Variants in GPC6 observed in about 807,000 individuals in gnomAD.
GPC6 encodes glypican-6.
In GPC6, 14 loss-of-function variants were observed where a neutral mutation model predicts 55.2. The ratio of observed to expected loss-of-function variants is 0.25; its 90% CI spans 0.17 to 0.40. The LOEUF (loss-of-function observed/expected upper bound fraction) is 0.40, where lower values mean the gene tolerates loss of function less well. Ranked by LOEUF, GPC6 falls within the 10% of genes least tolerant of loss-of-function variation. The pLI, the probability that GPC6 is intolerant of heterozygous loss-of-function variation, is 1.00. For synonymous variants in GPC6, 278 were observed against 259.6 expected, an observed-to-expected ratio of 1.07 and a Z score of -0.68; for missense variants, 641 against 708.5, an observed-to-expected ratio of 0.90 and a Z score of 1.08.
chr13:94,064,608 T>C (rs1458837786), intron 4 of GPC6, among the ~76,000 whole-genome samples: 1 of 152,102 alleles, frequency 6.6e-6, no homozygotes, highest in East Asian at 1.9e-4. Flanking sequence ...TTCAGAGCCA[T>C]AAAGCAAAGT....
intron 4 of GPC6, among the ~76,000 whole-genome samples, chr13:94,242,562 C>T (rs1891086044): frequency 6.6e-6 from 1 of 152,034 alleles, no homozygotes; most frequent in South Asian, 2.1e-4. Flanking sequence ...TACTATGCTT[C>T]CTGAATTTCA....
At chr13:93,478,830 G>T (rs1235902352) in intron 1 of GPC6, among the ~76,000 whole-genome samples, 1 of 152,130 alleles carries the variant, frequency 6.6e-6, no homozygotes, top group African/African-American at 2.4e-5. Flanking sequence ...TATTTTACTG[G>T]TACTTTAAAG....
intron 2 of GPC6, among the ~76,000 whole-genome samples, chr13:93,665,486 G>T (rs146862574): frequency 4.4e-4 from 67 of 152,224 alleles, no homozygotes; most frequent in Admixed American, 1.1e-3. Flanking sequence ...GACTGTGTGT[G>T]TGTATGTGTG....
intron 1 of GPC6, among the ~76,000 whole-genome samples, chr13:93,337,027 T>C (rs1352100456): frequency 6.6e-6 from 1 of 152,208 alleles, no homozygotes; most frequent in Non-Finnish European, 1.5e-5. Context: ...CACACATCAG[T>C]TGTTTGTGCA....
intron 2 of GPC6, among the ~76,000 whole-genome samples, chr13:93,756,401 T>C (rs563883898): frequency 5.8e-4 from 88 of 152,224 alleles, no homozygotes; most frequent in African/African-American, 2.1e-3. Context: ...AAGACAGAAA[T>C]GTACTTCCGG....
intron 4 of GPC6, among the ~76,000 whole-genome samples, chr13:94,266,492 G>C (rs1891822950): frequency 6.6e-6 from 1 of 151,990 alleles, no homozygotes; most frequent in Admixed American, 6.6e-5. Flanking sequence ...TCTTACTGCT[G>C]TTCTCCTTGT....
intron 3 of GPC6, among the ~76,000 whole-genome samples, chr13:93,915,990 C>T (rs1483267539): frequency 2.0e-5 from 3 of 152,116 alleles, no homozygotes; most frequent in Non-Finnish European, 4.4e-5. Context: ...GGCCAAGATG[C>T]CGTCTCACTG....
chr13:93,349,721 T>C (rs1312144570), intron 1 of GPC6, among the ~76,000 whole-genome samples: 1 of 152,202 alleles, frequency 6.6e-6, no homozygotes, highest in Non-Finnish European at 1.5e-5. Flanking sequence ...GTTTTGGCTT[T>C]CTTTCTCATT....
chr13:93,930,996 C>T (rs999759272), intron 3 of GPC6, among the ~76,000 whole-genome samples: 3 of 152,058 alleles, frequency 2.0e-5, no homozygotes, highest in African/African-American at 7.2e-5. Context: ...GTGCTATACA[C>T]TTTTAAACAA....
chr13:94,110,143 C>G (rs1388063416), intron 4 of GPC6, among the ~76,000 whole-genome samples: 1 of 150,934 alleles, frequency 6.6e-6, no homozygotes, highest in Non-Finnish European at 1.5e-5. Flanking sequence ...CTGCAGAAGT[C>G]TTAATGACTT....
chr13:94,004,933 A>G (rs1158805744), intron 3 of GPC6, among the ~76,000 whole-genome samples: 1 of 152,044 alleles, frequency 6.6e-6, no homozygotes, highest in East Asian at 1.9e-4. Flanking sequence ...GTGGTGGTGG[A>G]TGCCTGAAAT....
At chr13:94,150,143 A>C (rs1451832032) in intron 4 of GPC6, among the ~76,000 whole-genome samples, 1 of 152,002 alleles carries the variant, frequency 6.6e-6, no homozygotes, top group East Asian at 1.9e-4. Flanking sequence ...TCAAGTATTA[A>C]AGGCGGATGC....
chr13:93,486,065 A>G (rs1305538026), intron 1 of GPC6, among the ~76,000 whole-genome samples: 1 of 152,222 alleles, frequency 6.6e-6, no homozygotes, highest in Non-Finnish European at 1.5e-5. Context: ...CAAGCAAGAA[A>G]ATTGTTGCAT....
At chr13:93,443,287 A>G (rs895914473) in intron 1 of GPC6, among the ~76,000 whole-genome samples, 2 of 152,248 alleles carry the variant, frequency 1.3e-5, no homozygotes, top group Non-Finnish European at 2.9e-5. Flanking sequence ...CTAGGGACCA[A>G]TTCTTATGAA....
rs76719450 is a variant in GPC6, at chr13:93,448,022, G to A, written c.161-97241G>A. Among the ~76,000 whole-genome samples the A allele has an allele frequency of 6.2e-3, 948 of 152,052 alleles. 12 individuals are homozygous for A. Among genetic ancestry groups the A allele is most frequent in the African/African-American group, 0.022 (911 of 41,468 alleles). On this transcript the variant is annotated intron_variant, in intron 1 of 8. Coordinates refer to ENST00000377047, the MANE Select transcript of GPC6 (RefSeq NM_005708.5). ...ATCTTGTACATGATTCTGCACATAG[G>A]GCCAAGGAAACCACACCTATGCTGT...
intron 1 of GPC6, among the ~76,000 whole-genome samples, chr13:93,256,743 C>A (rs749694897): frequency 1.3e-5 from 2 of 152,148 alleles, no homozygotes; most frequent in Non-Finnish European, 2.9e-5. Context: ...TATATTACGG[C>A]TTTTCATTTA....
intron 6 of GPC6, among the ~76,000 whole-genome samples, chr13:94,352,577 C>A (rs1167918411): frequency 6.6e-6 from 1 of 151,868 alleles, no homozygotes; most frequent in Admixed American, 6.5e-5. Context: ...TTCCCCTCTG[C>A]TGGCTAGTCC....
chr13:94,392,589 G>A (rs957619847), intron 7 of GPC6, among the ~76,000 whole-genome samples: 12 of 151,780 alleles, frequency 7.9e-5, no homozygotes, highest in South Asian at 4.2e-4. Flanking sequence ...GCCACCACGC[G>A]TGGCTAATTT....
intron 2 of GPC6, among the ~76,000 whole-genome samples, chr13:93,807,280 C>A (rs1748129512): frequency 6.6e-6 from 1 of 152,116 alleles, no homozygotes; most frequent in Admixed American, 6.6e-5. Context: ...GTGTTCTCCA[C>A]TAATGAATAA....
Sources: gnomAD v4.1 joint callset for allele counts (sites outside exome capture counted in the v4.1 genomes callset) on GRCh38, gnomAD v4.1.1 for gene constraint, MANE v1.5 for transcripts, NCBI Gene and HGNC (gene_info 2026-07-23, HGNC 2026-07-21) for gene names.